Variants in KLF17 observed in about 807,000 individuals in gnomAD.
KLF17 encodes the protein KLF transcription factor 17.
KLF17 carries 31 observed loss-of-function variants against 34.2 expected under a neutral mutation model. The ratio of observed to expected loss-of-function variants is 0.91; its 90% CI spans 0.68 to 1.22. The LOEUF is 1.22. Among genes scored for constraint, KLF17 ranks in the 50% most tolerant of loss-of-function variants. The pLI is 0.00. For missense variants in KLF17, 478 were observed against 505.2 expected, an observed-to-expected ratio of 0.95 and a Z score of 0.52; for synonymous variants, 179 against 186.7, an observed-to-expected ratio of 0.96 and a Z score of 0.34.
At chr1:44,047,403 G>A in the KLF17 span, among the ~76,000 whole-genome samples, 6 of 152,170 alleles carry the variant, frequency 3.9e-5, no homozygotes, top group Non-Finnish European at 5.9e-5. Context: ...GGTAGGGAGG[G>A]AGGAGGAGGA....
At chr1:44,065,974 A>G in the KLF17 span, among the ~76,000 whole-genome samples, 1 of 152,232 alleles carries the variant, frequency 6.6e-6, no homozygotes, top group Admixed American at 6.5e-5. Context: ...AGGGAAATGT[A>G]GTTAAGTCTA....
At chr1:44,049,957 A>G in the KLF17 span, among the ~76,000 whole-genome samples, 2 of 152,230 alleles carry the variant, frequency 1.3e-5, no homozygotes, top group African/African-American at 4.8e-5. Flanking sequence ...TTAAGTAGGA[A>G]AAGAATGCAT....
the KLF17 span, among the ~76,000 whole-genome samples, chr1:44,083,665 G>T: frequency 4.7e-4 from 71 of 152,108 alleles, no homozygotes; most frequent in Admixed American, 4.4e-3. Context: ...ATGGTGGCGG[G>T]TGCCTGTAGT....
chr1:44,070,717 C>T, the KLF17 span, among the ~76,000 whole-genome samples: 11 of 147,156 alleles, frequency 7.5e-5, no homozygotes, highest in Non-Finnish European at 1.6e-4. Flanking sequence ...CCTCCCTTGT[C>T]TTTATCAGAG....
the KLF17 span, among the ~76,000 whole-genome samples, chr1:44,059,492 T>C: frequency 6.6e-6 from 1 of 152,198 alleles, no homozygotes; most frequent in East Asian, 1.9e-4. Flanking sequence ...GGATTTGTCA[T>C]CAATATTCCC....
chr1:44,084,132 A>G, the KLF17 span, among the ~76,000 whole-genome samples: 4,138 of 152,332 alleles, frequency 0.027, 66 homozygotes, highest in Middle Eastern at 0.044. Flanking sequence ...AGGAAGTTGC[A>G]TGTGCCTGTA....
At chr1:44,082,840 G>A in the KLF17 span, among the ~76,000 whole-genome samples, 4 of 152,010 alleles carry the variant, frequency 2.6e-5, no homozygotes, top group African/African-American at 9.7e-5. Context: ...AAGGGAAAAT[G>A]TGACCAGCAC....
At chr1:44,088,663 A>G in the KLF17 span, among the ~76,000 whole-genome samples, 1 of 152,150 alleles carries the variant, frequency 6.6e-6, no homozygotes, top group African/African-American at 2.4e-5. Flanking sequence ...CACATGCCCT[A>G]TTTCCAAATG....
At chr1:44,080,342 C>T in the KLF17 span, among the ~76,000 whole-genome samples, 9 of 151,300 alleles carry the variant, frequency 5.9e-5, no homozygotes, top group South Asian at 1.9e-3. Flanking sequence ...GGGTTCACAC[C>T]GTTCTCCAGC....
chr1:44,127,692 T>TTTTCTTTCTTTCTTTCTTTC lies in KLF17; in HGVS notation c.82-1658_82-1639dup, dbSNP rs71036666. On this transcript the variant is annotated intron_variant, in intron 1 of 3. Transcript: ENST00000372299. The stretch of plus-strand genomic sequence containing the variant: ...TTTCTTTCTTTCTTTCTTTCTTTCT[T>TTTTCTTTCTTTCTTTCTTTC]TTTCTTTCTTTCTTTCTTTCTTCTC... Among the ~76,000 whole-genome samples the TTTTCTTTCTTTCTTTCTTTC allele has an allele frequency of 3.9e-3, 347 of 90,114 alleles. 1 individual carries two copies. Among genetic ancestry groups the TTTTCTTTCTTTCTTTCTTTC allele is most frequent in the African/African-American group, 7.9e-3 (143 of 18,114 alleles). The allele number at this position is 90,114 out of a possible 152,430, so 59.1% of individuals were successfully genotyped here.
At chr1:44,107,888 A>G in the KLF17 span, among the ~76,000 whole-genome samples, 1 of 152,324 alleles carries the variant, frequency 6.6e-6, no homozygotes, top group East Asian at 1.9e-4. Flanking sequence ...CACAGCATAT[A>G]TAGGGTCTGA....
At chr1:44,059,945 T>G in the KLF17 span, among the ~76,000 whole-genome samples, 1 of 152,104 alleles carries the variant, frequency 6.6e-6, no homozygotes, top group South Asian at 2.1e-4. Flanking sequence ...CTGTTCCTTC[T>G]GGAAAACAAG....
the KLF17 span, among the ~76,000 whole-genome samples, chr1:44,099,564 GTCAGGAGGCCAAGGCGGGTGAATCAGGAT>G: frequency 4.0e-5 from 6 of 151,376 alleles, no homozygotes; most frequent in Non-Finnish European, 7.4e-5. Flanking sequence ...TGAATCAGGA[GTCAGGAGGCCAAGGCGGGTGAATCAGGAT>G]TCAGGAGGTC....
In KLF17 at chr1:44,130,634, C is replaced by A; in HGVS notation, c.1048C>A (p.Arg350=). The change falls in exon 3 of 4, where the codon CGG becomes AGG. Residue 350 remains arginine, a synonymous_variant. Transcript: ENST00000372299. Reference sequence around the variant, plus strand: ...ACCATATAAATGTGATCAGTGCAGCCGGGAGTTCATGAGGTCTGACCATCT... The same window carrying A: ...ACCATATAAATGTGATCAGTGCAGCAGGGAGTTCATGAGGTCTGACCATCT... ...YRPYKCDQCS[R]EFMRSDHLKQ... 4.3e-6 allele frequency: 7 copies of A among 1,614,036 alleles called. No homozygotes were observed. The highest frequency in any genetic ancestry group is 5.9e-6 in the Non-Finnish European group (7 of 1,180,002).
At chr1:44,132,966 A>G (rs891696425) in intron 3 of KLF17, among the ~76,000 whole-genome samples, 6 of 152,352 alleles carry the variant, frequency 3.9e-5, no homozygotes, top group African/African-American at 1.4e-4. Flanking sequence ...TGTCTGCCCC[A>G]GAGGTGGTCT....
At chr1:44,064,363 C>T in the KLF17 span, among the ~76,000 whole-genome samples, 2 of 152,168 alleles carry the variant, frequency 1.3e-5, no homozygotes, top group African/African-American at 4.8e-5. Context: ...TTATCTTCAA[C>T]ATTTGTCGGT....
At chr1:44,116,220 A>G (rs1372495374), upstream of KLF17, among the ~76,000 whole-genome samples, 1 of 152,180 alleles carries the variant, frequency 6.6e-6, no homozygotes, top group Non-Finnish European at 1.5e-5. Context: ...ATTGTTAGCC[A>G]TAGAATCATA....
At chr1:44,101,724 T>A in the KLF17 span, 1 of 152,180 alleles carries the variant, frequency 6.6e-6, no homozygotes, top group Non-Finnish European at 1.5e-5. Flanking sequence ...TATAAAATGC[T>A]CAGTTAAAAC....
At chr1:44,109,707 C>T in the KLF17 span, among the ~76,000 whole-genome samples, 1 of 152,144 alleles carries the variant, frequency 6.6e-6, no homozygotes, top group African/African-American at 2.4e-5. Context: ...AATCACCCTT[C>T]TTCCAACTTT....
Sources: gnomAD v4.1 joint callset for allele counts (sites outside exome capture counted in the v4.1 genomes callset) on GRCh38, gnomAD v4.1.1 for gene constraint, MANE v1.5 for transcripts, NCBI Gene and HGNC (gene_info 2026-07-23, HGNC 2026-07-21) for gene names.